The following UBAC2 variants were observed in gnomAD, a reference collection of about 807,000 sequenced individuals.
UBAC2 encodes the protein UBA domain containing 2, also known as ubiquitin-associated domain-containing protein 2.
In UBAC2, 26 loss-of-function variants were observed where a neutral mutation model predicts 44.0. The observed-to-expected ratio is 0.59, with a 90% CI of 0.43 to 0.82. UBAC2 has a LOEUF of 0.82. Among genes scored for constraint, UBAC2 ranks in the 40% least tolerant of loss-of-function variants. UBAC2 has a pLI of 0.00. For missense variants in UBAC2, 329 were observed against 419.4 expected, an observed-to-expected ratio of 0.78 and a Z score of 1.88; for synonymous variants, 155 against 154.3, an observed-to-expected ratio of 1.00 and a Z score of -0.04.
At position 99,317,378 on chromosome 13, in the gene UBAC2, A is replaced by G. The variant is rs534458367; in HGVS notation, c.514-644A>G. ...TTTTTTTTTAATTACCCTGAGCACAACTCTAAGATATAAACGATTTGGAAA... is the reference window on the plus strand; with the variant it reads ...TTTTTTTTTAATTACCCTGAGCACAGCTCTAAGATATAAACGATTTGGAAA... On this transcript the variant is annotated intron_variant, in intron 5 of 8. Coordinates refer to ENST00000403766, the MANE Select transcript of UBAC2 (RefSeq NM_001144072.2). Among the ~76,000 whole-genome samples, 4 of 152,278 alleles carry G rather than the reference A, an allele frequency of 2.6e-5. No individual in the cohort carries two copies. The East Asian group carries it at 7.7e-4, about 29-fold the overall frequency.
chr13:99,290,728 C>CAAA (rs35343898), intron 4 of UBAC2, among the ~76,000 whole-genome samples: 9 of 93,802 alleles, frequency 9.6e-5, no homozygotes, highest in African/African-American at 2.1e-4. Context: ...GTTTCACCAC[C>CAAA]AAAAAAAAAA....
rs77321496 is a variant in UBAC2, at chr13:99,319,745, G to A, written c.561+1676G>A. Reference sequence around the variant, plus strand: ...TATTCTTGAGACTTGTGGTGGCTTAGGGCCATCCTGGGGTTAGACTGATTC... The same window carrying A: ...TATTCTTGAGACTTGTGGTGGCTTAAGGCCATCCTGGGGTTAGACTGATTC... On this transcript the variant is annotated intron_variant, in intron 6 of 8. Coordinates refer to ENST00000403766, the MANE Select transcript of UBAC2 (RefSeq NM_001144072.2). Among the ~76,000 whole-genome samples, 131 of 152,294 alleles carry A rather than the reference G, an allele frequency of 8.6e-4. 5 individuals are homozygous for A. In the East Asian group the frequency reaches 0.025, roughly 29 times the overall value.
intron 1 of UBAC2, among the ~76,000 whole-genome samples, chr13:99,225,113 A>G (rs772848158): frequency 6.6e-6 from 1 of 152,192 alleles, no homozygotes; most frequent in Non-Finnish European, 1.5e-5. Flanking sequence ...AGTTCAGTAA[A>G]TATTTGCTTA....
At chr13:99,365,207 T>A (rs184668346) in intron 7 of UBAC2, among the ~76,000 whole-genome samples, 2 of 152,332 alleles carry the variant, frequency 1.3e-5, no homozygotes, top group Admixed American at 1.3e-4. Flanking sequence ...CTTTGTCTTT[T>A]CATCAAGCTT....
chr13:99,338,558 T>C (rs564174970), intron 6 of UBAC2, among the ~76,000 whole-genome samples: 13 of 152,336 alleles, frequency 8.5e-5, no homozygotes, highest in African/African-American at 2.9e-4. Context: ...TGATAAGCTT[T>C]CTATTTTGTT....
At chr13:99,319,496 T>C (rs1216502453) in intron 6 of UBAC2, among the ~76,000 whole-genome samples, 1 of 152,230 alleles carries the variant, frequency 6.6e-6, no homozygotes, top group African/African-American at 2.4e-5. Context: ...CTTCTTCCTT[T>C]AAGCTCTCTG....
rs184371100 is a variant in UBAC2, at chr13:99,225,655, G to A, written c.32-12772G>A. Among the ~76,000 whole-genome samples the A allele has an allele frequency of 4.6e-5, 7 of 152,258 alleles. No individual in the cohort carries two copies. In the East Asian group the frequency reaches 1.3e-3, roughly 29 times the overall value. ...AACAAACACTCTTGACTGCCTTTATGTGTCAGGTCCTATTGGAGGCATGAG... is the reference window on the plus strand; with the variant it reads ...AACAAACACTCTTGACTGCCTTTATATGTCAGGTCCTATTGGAGGCATGAG... On this transcript the variant is annotated intron_variant, in intron 1 of 8. Transcript: ENST00000403766.
intron 6 of UBAC2, among the ~76,000 whole-genome samples, chr13:99,332,667 C>T (rs1259871673): frequency 6.6e-6 from 1 of 152,180 alleles, no homozygotes; most frequent in Non-Finnish European, 1.5e-5. Context: ...AACTCCAACT[C>T]GAGCTTGTCT....
intron 1 of UBAC2, among the ~76,000 whole-genome samples, chr13:99,230,781 C>T (rs2043163212): frequency 6.6e-6 from 1 of 152,014 alleles, no homozygotes; most frequent in South Asian, 2.1e-4. Context: ...CCGGTTGCAG[C>T]GGCTCACGCT....
intron 6 of UBAC2, among the ~76,000 whole-genome samples, chr13:99,329,990 C>G (rs189530260): frequency 2.0e-5 from 3 of 152,326 alleles, no homozygotes; most frequent in Admixed American, 2.0e-4. Flanking sequence ...CGTGATAAGT[C>G]TCTACGTTTA....
At chr13:99,382,678 C>T (rs536356092) in intron 8 of UBAC2, among the ~76,000 whole-genome samples, 94 of 152,318 alleles carry the variant, frequency 6.2e-4, no homozygotes, top group African/African-American at 2.2e-3. Flanking sequence ...TGGGAGTTCA[C>T]AGTGGTGGGG....
chr13:99,373,153 ATC>A (rs2045430852), intron 8 of UBAC2, among the ~76,000 whole-genome samples: 2 of 132,686 alleles, frequency 1.5e-5, no homozygotes, highest in Non-Finnish European at 3.3e-5. Context: ...CCATTATTCC[ATC>A]TCTCTCTTTT....
intron 4 of UBAC2, among the ~76,000 whole-genome samples, chr13:99,306,585 A>G (rs1208674164): frequency 6.6e-6 from 1 of 152,186 alleles, no homozygotes; most frequent in Non-Finnish European, 1.5e-5. Context: ...GTCTCTTCAC[A>G]GCTTCTATTT....
intron 6 of UBAC2, among the ~76,000 whole-genome samples, chr13:99,329,124 G>A (rs114466672): frequency 1.1e-4 from 17 of 152,262 alleles, no homozygotes; most frequent in African/African-American, 3.9e-4. Context: ...TTTATTTCTT[G>A]ACTCTTTTCT....
chr13:99,211,066 T>G (rs1306606189), intron 1 of UBAC2, among the ~76,000 whole-genome samples: 1 of 152,234 alleles, frequency 6.6e-6, no homozygotes, highest in African/African-American at 2.4e-5. Context: ...CGTATAACTT[T>G]TAGTACGTAC....
At chr13:99,208,481 G>C (rs775698583) in intron 1 of UBAC2, among the ~76,000 whole-genome samples, 4 of 152,216 alleles carry the variant, frequency 2.6e-5, no homozygotes, top group Non-Finnish European at 5.9e-5. Context: ...GCCACATAAG[G>C]TGATGATCTT....
intron 7 of UBAC2, among the ~76,000 whole-genome samples, chr13:99,352,644 C>T (rs545160556): frequency 1.3e-5 from 2 of 152,340 alleles, no homozygotes; most frequent in South Asian, 4.1e-4. Context: ...CTCTTGGCCT[C>T]ACCAGTGCTA....
chr13:99,371,725 G>C (rs1048620711), intron 8 of UBAC2, among the ~76,000 whole-genome samples: 1 of 152,056 alleles, frequency 6.6e-6, no homozygotes, highest in African/African-American at 2.4e-5. Flanking sequence ...AATTTTTTAA[G>C]CCAAGAAAAA....
chr13:99,339,593 T>C (rs1325230754), intron 6 of UBAC2, among the ~76,000 whole-genome samples: 1 of 152,228 alleles, frequency 6.6e-6, no homozygotes, highest in Non-Finnish European at 1.5e-5. Flanking sequence ...TTGTCAAATA[T>C]GTTCTAATCT....
Sources: allele counts gnomAD v4.1 joint callset (sites outside exome capture counted in the v4.1 genomes callset), GRCh38; gene constraint gnomAD v4.1.1; transcripts MANE v1.5; gene names NCBI Gene and HGNC (gene_info 2026-07-23, HGNC 2026-07-21).